FAN1: variants seen among roughly 807,000 people sequenced by gnomAD.
FAN1 encodes the protein fanconi-associated nuclease 1.
In FAN1, 91 loss-of-function variants were observed where a neutral mutation model predicts 104.9. The observed-to-expected ratio is 0.87, with a 90% CI of 0.73 to 1.03. FAN1 has a LOEUF of 1.03. Ranked by LOEUF, FAN1 falls within the 50% of genes least tolerant of loss-of-function variation. The pLI, the probability that FAN1 is intolerant of heterozygous loss-of-function variation, is 0.00. For missense variants in FAN1, 1,263 were observed against 1,239.9 expected, an observed-to-expected ratio of 1.02 and a Z score of -0.28; for synonymous variants, 478 against 457.6, an observed-to-expected ratio of 1.04 and a Z score of -0.57.
chr15:30,935,469 C>T (rs1011292687), intron 13 of FAN1, among the ~76,000 whole-genome samples: 5 of 152,156 alleles, frequency 3.3e-5, no homozygotes, highest in African/African-American at 7.2e-5. Context: ...AAAGTAACTA[C>T]AACAATAAAC....
chr15:30,911,498 A>G (rs1249966756), intron 4 of FAN1: 2 of 983,940 alleles, frequency 2.0e-6, no homozygotes, highest in South Asian at 9.4e-5. Flanking sequence ...GGGAGGTGCT[A>G]TAAATACTAA....
Position 30,928,307 on chromosome 15 carries a change from T to C in FAN1, c.2489-246T>C, listed in dbSNP as rs2062516848. ...GAACCACTGCTTTGTGGCTTTGAAA[T>C]GTTCATTTGAATTTTTCTATGATTA... On this transcript the variant is annotated intron_variant, in intron 10 of 14. Transcript: ENST00000362065. 3.1e-6 allele frequency: 4 copies of C among 1,288,056 alleles called. No individual in the cohort carries two copies. The South Asian group carries it at 9.4e-5, about 30-fold the overall frequency. The allele number at this position is 1,288,056 out of a possible 1,614,324, so 79.8% of individuals were successfully genotyped here. A position where few individuals can be genotyped will look rare whatever the true frequency, so the allele number is the denominator to read the frequency against.
intron 5 of FAN1, among the ~76,000 whole-genome samples, chr15:30,914,427 T>A (rs1373745796): frequency 6.6e-6 from 1 of 152,194 alleles, no homozygotes; most frequent in Non-Finnish European, 1.5e-5. Flanking sequence ...TGCGGTGGCA[T>A]GATCACCGCT....
At chr15:30,911,415 T>C in intron 4 of FAN1, 1 of 984,084 alleles carries the variant, frequency 1.0e-6, no homozygotes, top group Non-Finnish European at 1.2e-6. Flanking sequence ...TTGAAAACAC[T>C]TTAACATGAT....
At chr15:30,937,356 G>A (rs1304385458) in intron 14 of FAN1, 97 bp downstream of exon 14, 1 of 1,175,524 alleles carries the variant, frequency 8.5e-7, no homozygotes, top group Non-Finnish European at 1.2e-6. Flanking sequence ...TTATAAACCT[G>A]ATAGTTTGAC....
chr15:30,940,731 T>C (rs1204371424), intron 14 of FAN1: 1 of 989,822 alleles, frequency 1.0e-6, no homozygotes, highest in Non-Finnish European at 1.2e-6. Flanking sequence ...ATGAAAAGCC[T>C]ATTTCAAATA....
In FAN1 at chr15:30,905,306, G is replaced by C; in HGVS notation, c.643G>C (p.Val215Leu). 6.2e-7 allele frequency: 1 copy of C among 1,613,888 alleles called. No individual in the cohort carries two copies. The highest frequency in any genetic ancestry group is 8.5e-7 in the Non-Finnish European group (1 of 1,179,926). The change falls in exon 2 of 15, where the codon GTG becomes CTG. Residue 215 changes from valine to leucine, a missense_variant. By Grantham distance (32) the Val-to-Leu change is conservative (BLOSUM62 1). Around this residue, in one of 2 missense-constraint regions of FAN1, gnomAD observed 682 missense variants for 571.1 expected, o/e 1.19. Coordinates refer to ENST00000362065, the MANE Select transcript of FAN1 (RefSeq NM_014967.5). ...GGAGAACAGTTCTCAAAAAGAAAAC[G>C]TGTTTAAATGTGATTCTCTAAAGGA... is the stretch of plus-strand genomic sequence containing the variant. ...ILENSSQKEN[V>L]FKCDSLKEEC...
rs1805180473 is a variant in FAN1 at position 30,929,413 on chromosome 15, CATG to C, written c.2787+17_2787+19del. ...GCAAGCTCAGGTAATGGTTCACCTG[CATG>C]GCAGGATTTGCTCAGAAAGTTAACA... On this transcript the variant is annotated intron_variant, in intron 12 of 14. Coordinates refer to ENST00000362065, the MANE Select transcript of FAN1 (RefSeq NM_014967.5). 1.9e-6 allele frequency: 3 copies of C among 1,577,354 alleles called. No homozygotes were observed. Among genetic ancestry groups the C allele is most frequent in the Non-Finnish European group, 2.6e-6 (3 of 1,159,778 alleles).
In FAN1 at chr15:30,928,537, T is replaced by TGTGA; in HGVS notation, c.2489-15_2489-12dup. 4 of 1,612,806 alleles carry TGTGA rather than the reference T, an allele frequency of 2.5e-6. No homozygotes were observed. Among genetic ancestry groups the TGTGA allele is most frequent in the Non-Finnish European group, 3.4e-6 (4 of 1,179,288 alleles). On this transcript the variant is annotated splice_polypyrimidine_tract_variant and intron_variant, in intron 10 of 14. Transcript: ENST00000362065. ...GTGTGTGTGTGTGTGTGTGTGTGTG[T>TGTGA]GTGACCTTGTCTTAGGGATTCATGG... is the stretch of plus-strand genomic sequence containing the variant.
chr15:30,929,701 A>G (rs2062585210), intron 12 of FAN1, among the ~76,000 whole-genome samples: 1 of 60,996 alleles, frequency 1.6e-5, no homozygotes, highest in African/African-American at 5.8e-5. Flanking sequence ...TAAAATATAT[A>G]TTATATCATA....
intron 14 of FAN1, chr15:30,941,154 TG>T: frequency 8.1e-7 from 1 of 1,234,542 alleles, no homozygotes; most frequent in Admixed American, 2.7e-5. Context: ...CTAATGTGAC[TG>T]ACTATCAGAT....
rs148610242 is a variant in FAN1 at position 30,905,220 on chromosome 15, C to A, written c.557C>A (p.Ser186Tyr). 5.1e-4 allele frequency: 831 copies of A among 1,613,848 alleles called. 5 individuals carry two copies. The East Asian group carries it at 0.017, about 33-fold the overall frequency. Residue 186 changes from serine (S) to tyrosine (Y), a missense_variant, in exon 2 of 15, where the codon TCC becomes TAC. Coordinates refer to ENST00000362065, the MANE Select transcript of FAN1 (RefSeq NM_014967.5). ...FAGSSPQSSK[S>Y]TVVKSLIDNS... Reference sequence around the variant, plus strand: ...GGTTCTAGTCCACAGAGTTCCAAATCCACAGTTGTTAAGAGCCTGATTGAT... The same window carrying A: ...GGTTCTAGTCCACAGAGTTCCAAATACACAGTTGTTAAGAGCCTGATTGAT...
At position 30,928,619 on chromosome 15, in the gene FAN1, T is replaced by G; in HGVS notation, c.2555T>G (p.Met852Arg). The change falls in exon 11 of 15, where the codon ATG (methionine) becomes AGG (arginine). Residue 852 changes from methionine to arginine, a missense_variant. Physicochemically the swap from Met to Arg is moderately conservative, Grantham distance 91. Around this residue, in one of 2 missense-constraint regions of FAN1, gnomAD observed 581 missense variants for 668.8 expected, o/e 0.87. Transcript: ENST00000362065. The stretch of plus-strand genomic sequence containing the variant: ...CTCCTCCTGTGGGACATCATCTTCA[T>G]GGATGGGATTCCGGATGTCTTCAGA... ...YGLLLWDIIF[M>R]DGIPDVFRNA... 6.2e-7 allele frequency: 1 copy of G among 1,613,604 alleles called. No homozygotes were observed.
At position 30,929,832 on chromosome 15, in the gene FAN1, A is replaced by AT. The variant is rs1240839081; in HGVS notation, c.2787+435_2787+436insT. ...ATATATAATATATTATATCATATAT[A>AT]ATATAATATATAAAATATATATCAT... On this transcript the variant is annotated intron_variant, in intron 12 of 14. Coordinates refer to ENST00000362065, the MANE Select transcript of FAN1 (RefSeq NM_014967.5). 3.7e-4 allele frequency among the ~76,000 whole-genome samples: 24 copies of AT among 65,482 alleles called. 2 individuals carry two copies. Among genetic ancestry groups the AT allele is most frequent in the African/African-American group, 2.0e-3 (23 of 11,720 alleles). 43.0% of individuals were successfully genotyped at this position (65,482 alleles called of 152,430 possible).
intron 5 of FAN1, among the ~76,000 whole-genome samples, chr15:30,915,739 A>G (rs1181864177): frequency 6.6e-6 from 1 of 152,232 alleles, no homozygotes; most frequent in Non-Finnish European, 1.5e-5. Flanking sequence ...TAAAAATAAT[A>G]ATAGATGCCA....
rs1218529193 is a variant in FAN1 at position 30,935,663 on chromosome 15, A to G, written c.2917-1456A>G. Among the ~76,000 whole-genome samples the G allele has an allele frequency of 2.6e-5, 4 of 152,304 alleles. No individual in the cohort carries two copies. The East Asian group carries it at 5.8e-4, about 22-fold the overall frequency. The stretch of plus-strand genomic sequence containing the variant: ...GAGGGGGTCCTTGAATCAGTCCCCC[A>G]TGGATACTGAGGGATGGCTGTATTT... On this transcript the variant is annotated intron_variant, in intron 13 of 14. Coordinates refer to ENST00000362065, the MANE Select transcript of FAN1 (RefSeq NM_014967.5).
chr15:30,923,190 A>T (rs1303903565), intron 8 of FAN1, among the ~76,000 whole-genome samples: 2 of 152,228 alleles, frequency 1.3e-5, no homozygotes, highest in Admixed American at 1.3e-4. Flanking sequence ...AAACTGAAAA[A>T]GTGCCTTGTT....
Position 30,930,609 on chromosome 15 carries a change from C to T in FAN1, c.2854C>T (p.Arg952Ter), listed in dbSNP as rs184745027. Reference protein sequence around the residue: ...GVCRHLAADFRHCRGGLPDLV... With the variant: ...GVCRHLAADF ...GTGCAGGCACCTGGCTGCTGACTTT[C>T]GACACTGTCGAGGGGGCCTCCCCGA... Residue 952 changes from arginine to a stop codon, truncating the protein, a stop_gained, in exon 13 of 15, where the codon CGA (arginine) becomes TGA (stop). Coordinates refer to ENST00000362065, the MANE Select transcript of FAN1 (RefSeq NM_014967.5). LOFTEE classifies it high-confidence loss of function. 177 of 1,612,774 alleles carry T rather than the reference C, an allele frequency of 1.1e-4. No individual in the cohort carries two copies. The highest frequency in any genetic ancestry group is 1.7e-4 in the Middle Eastern group (1 of 6,056).
intron 14 of FAN1, chr15:30,939,450 G>A (rs777126290): frequency 4.2e-5 from 41 of 985,424 alleles, no homozygotes; most frequent in Non-Finnish European, 4.9e-5. Flanking sequence ...ACCCTGGCCC[G>A]ACTGAAGGCT....
Sources: allele counts gnomAD v4.1 joint callset (sites outside exome capture counted in the v4.1 genomes callset), GRCh38; gene constraint gnomAD v4.1.1; regional missense constraint gnomAD v4.1.1; transcripts MANE v1.5; gene names NCBI Gene and HGNC (gene_info 2026-07-23, HGNC 2026-07-21).